HNRNPD: variants seen among roughly 807,000 people sequenced by gnomAD.
HNRNPD encodes heterogeneous nuclear ribonucleoprotein D0.
Under a neutral mutation model 47.9 loss-of-function variants are expected in HNRNPD, and 3 were observed. The ratio of observed to expected loss-of-function variants is 0.06; its 90% CI spans 0.03 to 0.16. The LOEUF (loss-of-function observed/expected upper bound fraction) is 0.16, where lower values mean the gene tolerates loss of function less well. Among genes scored for constraint, HNRNPD ranks in the 10% least tolerant of loss-of-function variants. The pLI, the probability that HNRNPD is intolerant of heterozygous loss-of-function variation, is 1.00. For missense variants in HNRNPD, 287 were observed against 454.2 expected (o/e 0.63, Z 3.35); for synonymous variants, 171 against 165.1 (o/e 1.04, Z -0.28).
intron 2 of HNRNPD, among the ~76,000 whole-genome samples, chr4:82,363,343 T>C (rs1020915276): frequency 6.6e-6 from 1 of 152,082 alleles, no homozygotes; most frequent in Non-Finnish European, 1.5e-5. Context: ...CCTCCCAAAT[T>C]AGAGGCGCGA....
chr4:82,361,932 T>C (rs1019776489), intron 2 of HNRNPD, among the ~76,000 whole-genome samples: 1 of 152,154 alleles, frequency 6.6e-6, no homozygotes, highest in East Asian at 1.9e-4. Context: ...CAAATATCAA[T>C]TATCCAGAAT....
chr4:82,368,287 C>G (rs1719865278), intron 2 of HNRNPD, among the ~76,000 whole-genome samples: 3 of 152,000 alleles, frequency 2.0e-5, no homozygotes, highest in Admixed American at 2.0e-4. Flanking sequence ...ATAGTATACT[C>G]AAAATGTTCT....
chr4:82,370,363 A>T (rs559474491), intron 2 of HNRNPD, among the ~76,000 whole-genome samples: 76 of 152,332 alleles, frequency 5.0e-4, no homozygotes, highest in African/African-American at 1.7e-3. Flanking sequence ...ATTTCAAATC[A>T]CTGGAAACAA....
In HNRNPD at chr4:82,373,734, G is replaced by C. The variant is rs1397355523; in HGVS notation, c.-56C>G. ...ACTACACCCGCCGCTGCCGCGAACC[G>C]AAACTAGCAGCAAAGTAATCCCCGC... is the stretch of plus-strand genomic sequence containing the variant. On this transcript the variant is annotated 5_prime_UTR_variant, in exon 1 of 9. Transcript: ENST00000313899. 1.5e-5 allele frequency: 23 copies of C among 1,528,088 alleles called. No individual in the cohort carries two copies. Among genetic ancestry groups the C allele is most frequent in the African/African-American group, 2.8e-5 (2 of 71,820 alleles). The allele number at this position is 1,528,088 out of a possible 1,614,324, so 94.7% of individuals were successfully genotyped here.
chr4:82,370,610 T>A (rs1719994714), intron 2 of HNRNPD, among the ~76,000 whole-genome samples: 2 of 152,124 alleles, frequency 1.3e-5, no homozygotes, highest in Admixed American at 6.5e-5. Flanking sequence ...CTGATTTCAG[T>A]GGATGAGAAT....
At chr4:82,368,435 T>C (rs1719873158) in intron 2 of HNRNPD, among the ~76,000 whole-genome samples, 1 of 152,152 alleles carries the variant, frequency 6.6e-6, no homozygotes, top group Admixed American at 6.6e-5. Flanking sequence ...AGGCAAAGTA[T>C]GTGTATCTCA....
At chr4:82,366,078 A>G (rs939422433) in intron 2 of HNRNPD, among the ~76,000 whole-genome samples, 1 of 152,174 alleles carries the variant, frequency 6.6e-6, no homozygotes, top group Non-Finnish European at 1.5e-5. Context: ...TTTTCAAGGT[A>G]AGTGTGAAAA....
intron 1 of HNRNPD, among the ~76,000 whole-genome samples, chr4:82,371,938 C>T (rs766491990): frequency 5.3e-5 from 8 of 152,096 alleles, no homozygotes; most frequent in Admixed American, 3.9e-4. Flanking sequence ...CACCACCACT[C>T]CCCCAAAACC....
chr4:82,359,643 T>A lies in HNRNPD; in HGVS notation c.291-4A>T. On this transcript the variant is annotated splice_polypyrimidine_tract_variant and splice_region_variant and intron_variant, in intron 2 of 8. Coordinates refer to ENST00000313899, the MANE Select transcript of HNRNPD (RefSeq NM_031370.3). The stretch of plus-strand genomic sequence containing the variant: ...AAGGCCTCCTATAAACATTTTCCTG[T>A]AAAGACAAAAAGCAGTATTAAAATG... The A allele has an allele frequency of 6.5e-7, 1 of 1,527,090 alleles. No individual in the cohort carries two copies. Among genetic ancestry groups the A allele is most frequent in the Non-Finnish European group, 8.9e-7 (1 of 1,122,766 alleles). 94.6% of individuals were successfully genotyped at this position (1,527,090 alleles called of 1,614,324 possible). A position where few individuals can be genotyped will look rare whatever the true frequency, so the allele number is the denominator to read the frequency against.
At position 82,373,468 on chromosome 4, in the gene HNRNPD, T is replaced by G. The variant is rs759698998; in HGVS notation, c.211A>C (p.Ser71Arg). The change falls in exon 1 of 9, where the codon AGT becomes CGT. Residue 71 changes from serine to arginine, a missense_variant. By Grantham distance (110) the Ser-to-Arg change is moderately radical. Around this residue, in one of 5 missense-constraint regions of HNRNPD, gnomAD observed 161 missense variants for 137.1 expected, o/e 1.17. Coordinates refer to ENST00000313899, the MANE Select transcript of HNRNPD (RefSeq NM_031370.3). ...AESEGAKIDASKNEEDEGHSN... is the reference protein window; with the variant it reads ...AESEGAKIDARKNEEDEGHSN... Reference sequence around the variant, plus strand: ...CACCCTTCATCCTCCTCGTTCTTACTGGCGTCAATCTTCGCCCCCTCCGAC... The same window carrying G: ...CACCCTTCATCCTCCTCGTTCTTACGGGCGTCAATCTTCGCCCCCTCCGAC... 1 of 1,568,082 alleles carries G rather than the reference T, an allele frequency of 6.4e-7. No homozygotes were observed. Among genetic ancestry groups the G allele is most frequent in the Non-Finnish European group, 8.7e-7 (1 of 1,155,348 alleles).
At chr4:82,359,372 A>T in intron 3 of HNRNPD, 99 bp downstream of exon 3, 1 of 776,672 alleles carries the variant, frequency 1.3e-6, no homozygotes, top group Non-Finnish European at 1.9e-6. Context: ...TTCCTATACT[A>T]TCAAAATGGG....
At chr4:82,362,062 T>C (rs1163289409) in intron 2 of HNRNPD, among the ~76,000 whole-genome samples, 6 of 152,208 alleles carry the variant, frequency 3.9e-5, no homozygotes, top group Non-Finnish European at 8.8e-5. Flanking sequence ...CCTTCAATCA[T>C]TTGAAATGAG....
At chr4:82,356,453 A>C (rs1412254206) in intron 7 of HNRNPD, 84 bp downstream of exon 7, 1 of 1,110,022 alleles carries the variant, frequency 9.0e-7, no homozygotes. Context: ...TGCACTTGGC[A>C]AGGCTACACT....
chr4:82,365,771 A>T (rs1181776949), intron 2 of HNRNPD, among the ~76,000 whole-genome samples: 1 of 106,256 alleles, frequency 9.4e-6, no homozygotes, highest in African/African-American at 4.3e-5. Context: ...GGCCCAGCTA[A>T]TTTTTTTTTT....
At chr4:82,355,089 T>C in intron 8 of HNRNPD, 1 of 551,520 alleles carries the variant, frequency 1.8e-6, no homozygotes, top group South Asian at 2.3e-5. Context: ...TTAGCAGTAC[T>C]TTACCTGTTA....
At position 82,373,706 on chromosome 4, in the gene HNRNPD, G is replaced by C. The variant is rs761749750; in HGVS notation, c.-28C>G. ...TGCTAGTGTCTCCGCCGCTGCCGCC[G>C]AGACTACACCCGCCGCTGCCGCGAA... On this transcript the variant is annotated 5_prime_UTR_variant, in exon 1 of 9. Transcript: ENST00000313899. 1.3e-5 allele frequency: 19 copies of C among 1,499,372 alleles called. No individual in the cohort carries two copies. The highest frequency in any genetic ancestry group is 9.3e-5 in the African/African-American group (6 of 64,590). The allele number at this position is 1,499,372 out of a possible 1,614,324, so 92.9% of individuals were successfully genotyped here.
intron 2 of HNRNPD, among the ~76,000 whole-genome samples, chr4:82,369,574 A>ATT (rs1719931126): frequency 3.3e-5 from 3 of 91,476 alleles, no homozygotes; most frequent in Non-Finnish European, 6.5e-5. Context: ...CAATTTGGAT[A>ATT]CTCTATTAAC....
Position 82,373,745 on chromosome 4 carries a change from C to G in HNRNPD, c.-67G>C. On this transcript the variant is annotated 5_prime_UTR_variant, in exon 1 of 9. Coordinates refer to ENST00000313899, the MANE Select transcript of HNRNPD (RefSeq NM_031370.3). ...CGCTGCCGCGAACCGAAACTAGCAG[C>G]AAAGTAATCCCCGCCGCTGCCGCGC... 1 of 1,526,590 alleles carries G rather than the reference C, an allele frequency of 6.6e-7. No individual in the cohort carries two copies. The highest frequency in any genetic ancestry group is 8.7e-7 in the Non-Finnish European group (1 of 1,143,302). 94.6% of individuals were successfully genotyped at this position (1,526,590 alleles called of 1,614,324 possible).
Position 82,356,518 on chromosome 4 carries a change from TAAA to T in HNRNPD, c.1000+16_1000+18del. ...AATAAATGTCAAATAGCAGTTAATATAAAAAGTATAGTACTTACTGCTATAATC... is the reference window on the plus strand; with the variant it reads ...AATAAATGTCAAATAGCAGTTAATATAAGTATAGTACTTACTGCTATAATC... On this transcript the variant is annotated intron_variant, in intron 7 of 8. Transcript: ENST00000313899. 6.4e-7 allele frequency: 1 copy of T among 1,569,392 alleles called. No individual in the cohort carries two copies. Among genetic ancestry groups the T allele is most frequent in the Non-Finnish European group, 8.7e-7 (1 of 1,144,606 alleles).
Sources: allele counts gnomAD v4.1 joint callset (sites outside exome capture counted in the v4.1 genomes callset), GRCh38; gene constraint gnomAD v4.1.1; regional missense constraint gnomAD v4.1.1; transcripts MANE v1.5; gene names NCBI Gene and HGNC (gene_info 2026-07-23, HGNC 2026-07-21).